The following MERTK variants were observed in gnomAD, a reference collection of about 807,000 sequenced individuals.
The protein encoded by MERTK is MER proto-oncogene, tyrosine kinase.
A neutral mutation model predicts 99.3 loss-of-function variants in MERTK; 69 were observed. The observed-to-expected ratio is 0.70, with a 90% CI of 0.57 to 0.85. The LOEUF is 0.85. MERTK is among the 40% of genes least tolerant of loss of function. MERTK has a pLI of 0.00. For missense variants in MERTK, 1,125 were observed against 1,249.4 expected, an observed-to-expected ratio of 0.90 and a Z score of 1.50; for synonymous variants, 426 against 467.6, an observed-to-expected ratio of 0.91 and a Z score of 1.15.
rs79804675 is a variant in MERTK, at chr2:111,990,316, A to G, written c.1297-3935A>G. Among the ~76,000 whole-genome samples the G allele has an allele frequency of 1.1e-4, 17 of 152,354 alleles. No homozygotes were observed. In the East Asian group the frequency reaches 3.3e-3, roughly 29 times the overall value. On this transcript the variant is annotated intron_variant, in intron 8 of 18. Coordinates refer to ENST00000295408, the MANE Select transcript of MERTK (RefSeq NM_006343.3). ...ACCTCTTTTAAAATATATGTCATATATCTTTCTAATCACTATGGCAACATT... is the reference window on the plus strand; with the variant it reads ...ACCTCTTTTAAAATATATGTCATATGTCTTTCTAATCACTATGGCAACATT...
intron 15 of MERTK, 71 bp from the exon 16 acceptor site, chr2:112,019,342 C>A (rs199893275): frequency 8.6e-5 from 95 of 1,107,774 alleles, no homozygotes; most frequent in South Asian, 7.1e-4. Flanking sequence ...CCTTTCCCCC[C>A]CCGGCAGAAA....
chr2:112,022,123 C>A, intron 17 of MERTK, 135 bp from the exon 18 acceptor site: 4 of 1,172,142 alleles, frequency 3.4e-6, no homozygotes, highest in South Asian at 1.3e-5. Flanking sequence ...GTTGGGAGAG[C>A]AGTGCGTCTC....
At chr2:111,973,483 C>A (rs557340097) in intron 6 of MERTK, among the ~76,000 whole-genome samples, 5 of 152,234 alleles carry the variant, frequency 3.3e-5, no homozygotes, top group African/African-American at 1.2e-4. Context: ...CTCCTGGTAT[C>A]TGCCAGGGGA....
At chr2:111,972,622 A>G (rs1676147229) in intron 6 of MERTK, among the ~76,000 whole-genome samples, 1 of 152,052 alleles carries the variant, frequency 6.6e-6, no homozygotes, top group African/African-American at 2.4e-5. Context: ...GGATATGATG[A>G]TTCTGTTCTT....
chr2:111,970,841 C>T (rs1404541529), intron 6 of MERTK, among the ~76,000 whole-genome samples: 1 of 131,026 alleles, frequency 7.6e-6, no homozygotes, highest in Non-Finnish European at 1.6e-5. Context: ...TCCTCCTTCT[C>T]CTCCTTCTCC....
At chr2:112,018,930 G>A (rs996718854) in intron 15 of MERTK, among the ~76,000 whole-genome samples, 5 of 152,072 alleles carry the variant, frequency 3.3e-5, no homozygotes, top group South Asian at 4.1e-4. Flanking sequence ...AAAACATTTC[G>A]TAGTAAAATG....
rs114542447 is a variant in MERTK, at chr2:111,949,602, A to G, written c.757+2035A>G. Among the ~76,000 whole-genome samples, 753 of 152,294 alleles carry G rather than the reference A, an allele frequency of 4.9e-3. 12 individuals are homozygous for G. Among genetic ancestry groups the G allele is most frequent in the African/African-American group, 0.018 (734 of 41,552 alleles). On this transcript the variant is annotated intron_variant, in intron 4 of 18. Coordinates refer to ENST00000295408, the MANE Select transcript of MERTK (RefSeq NM_006343.3). ...AAAGACTTATTTTCATTGAGGTAAA[A>G]TTGACATACAATTAAGTGCATAGAA...
intron 4 of MERTK, among the ~76,000 whole-genome samples, chr2:111,949,565 C>G (rs1048617404): frequency 6.6e-6 from 1 of 152,166 alleles, no homozygotes; most frequent in African/African-American, 2.4e-5. Flanking sequence ...GATGATCACT[C>G]TGAAATCCCA....
chr2:111,919,788 C>A (rs1391208304), intron 1 of MERTK, among the ~76,000 whole-genome samples: 1 of 145,034 alleles, frequency 6.9e-6, no homozygotes. Flanking sequence ...GATGTTTTTT[C>A]TTTTTCTTTT....
chr2:111,932,312 G>A (rs1179673949), intron 2 of MERTK, among the ~76,000 whole-genome samples: 1 of 152,134 alleles, frequency 6.6e-6, no homozygotes, highest in Non-Finnish European at 1.5e-5. Flanking sequence ...CTCCCGAGTA[G>A]CTGGGACTAC....
intron 9 of MERTK, chr2:111,996,184 C>T (rs1676734195): frequency 7.3e-6 from 1 of 136,330 alleles, no homozygotes; most frequent in South Asian, 2.4e-4. Context: ...CCAGTATGCA[C>T]AAATTTCAAT....
At chr2:112,012,862 T>C (rs1677134615) in intron 15 of MERTK, among the ~76,000 whole-genome samples, 1 of 152,188 alleles carries the variant, frequency 6.6e-6, no homozygotes, top group South Asian at 2.1e-4. Context: ...CAGGTCCATC[T>C]GTAGAAACAG....
At chr2:111,942,733 CATT>C (rs1684887843) in intron 2 of MERTK, among the ~76,000 whole-genome samples, 1 of 152,122 alleles carries the variant, frequency 6.6e-6, no homozygotes, top group Non-Finnish European at 1.5e-5. Context: ...GAAGACAGAG[CATT>C]TCAAGTCAAA....
intron 7 of MERTK, among the ~76,000 whole-genome samples, chr2:111,978,634 A>G (rs1341713820): frequency 6.6e-6 from 1 of 152,156 alleles, no homozygotes; most frequent in Non-Finnish European, 1.5e-5. Flanking sequence ...TAACTGTTTC[A>G]ATGTCTTTGT....
intron 3 of MERTK, among the ~76,000 whole-genome samples, chr2:111,945,868 C>T (rs1158850872): frequency 1.3e-5 from 2 of 152,234 alleles, no homozygotes; most frequent in Non-Finnish European, 2.9e-5. Flanking sequence ...GGCCTTGTGC[C>T]CCTCCTCTCT....
intron 2 of MERTK, among the ~76,000 whole-genome samples, chr2:111,931,895 GT>G (rs1462376137): frequency 6.6e-6 from 1 of 152,168 alleles, no homozygotes; most frequent in East Asian, 1.9e-4. Flanking sequence ...CTTGGACCAT[GT>G]GACTGCCAGC....
chr2:112,009,245 G>A (rs1034554900), intron 14 of MERTK, among the ~76,000 whole-genome samples: 1 of 152,180 alleles, frequency 6.6e-6, no homozygotes. Flanking sequence ...TGTCAAATAA[G>A]CTACTGTTAT....
rs192575018 is a variant in MERTK, at chr2:111,934,500, T to C, written c.482+4960T>C. On this transcript the variant is annotated intron_variant, in intron 2 of 18. Coordinates refer to ENST00000295408, the MANE Select transcript of MERTK (RefSeq NM_006343.3). ...AATGATGAGCTTTTTTTCATGTTTG[T>C]TGGCCGCATAAATGTCTTCTTTTGA... 3.5e-3 allele frequency among the ~76,000 whole-genome samples: 531 copies of C among 152,350 alleles called. 5 individuals are homozygous for C. Among genetic ancestry groups the C allele is most frequent in the African/African-American group, 0.012 (481 of 41,584 alleles).
At chr2:112,018,340 A>T (rs1573645066) in intron 15 of MERTK, among the ~76,000 whole-genome samples, 1 of 152,238 alleles carries the variant, frequency 6.6e-6, no homozygotes, top group Non-Finnish European at 1.5e-5. Flanking sequence ...GCAAGATGCA[A>T]TATTTCTTAT....
Sources: allele counts gnomAD v4.1 joint callset (sites outside exome capture counted in the v4.1 genomes callset), GRCh38; gene constraint gnomAD v4.1.1; transcripts MANE v1.5; gene names NCBI Gene and HGNC (gene_info 2026-07-23, HGNC 2026-07-21).